The following DENND6A variants were observed in gnomAD, a reference collection of about 807,000 sequenced individuals.
DENND6A encodes the protein protein DENND6A.
In DENND6A, 43 loss-of-function variants were observed where a neutral mutation model predicts 95.5. That is an observed-to-expected ratio of 0.45 (90% CI 0.35 to 0.58). The LOEUF (loss-of-function observed/expected upper bound fraction) is 0.58. Ranked by LOEUF, DENND6A falls within the 20% of genes least tolerant of loss-of-function variation. DENND6A has a pLI of 0.00. For synonymous variants in DENND6A, 257 were observed against 260.4 expected, an observed-to-expected ratio of 0.99 and a Z score of 0.13; for missense variants, 574 against 736.0, an observed-to-expected ratio of 0.78 and a Z score of 2.55.
Position 57,645,733 on chromosome 3 carries a change from A to C in DENND6A, c.965T>G (p.Phe322Cys). Residue 322 changes from phenylalanine (F) to cysteine (C), a missense_variant, in exon 11 of 20, where the codon TTC becomes TGC. By Grantham distance (205) the Phe-to-Cys change is radical (BLOSUM62 -2). Around this residue, in one of 2 missense-constraint regions of DENND6A, gnomAD observed 452 missense variants for 630.9 expected, o/e 0.72. Transcript: ENST00000311128. ...LVNCISPLKY[F>C]SDFRPYFTIH... ...AGTGAAATAAGGTCGGAAATCACTG[A>C]AGTACTTTAATGGAGAAATACAGCT... 6.2e-7 allele frequency: 1 copy of C among 1,613,368 alleles called. No individual in the cohort carries two copies. The highest frequency in any genetic ancestry group is 8.5e-7 in the Non-Finnish European group (1 of 1,179,520).
rs1157340819 is a variant in DENND6A, at chr3:57,628,195, T to C, written c.*19A>G. ...TTCATGATGCATAATCCTTTTTGGCTGGAAAATCTTGGCAAATATCATGTC... is the reference window on the plus strand; with the variant it reads ...TTCATGATGCATAATCCTTTTTGGCCGGAAAATCTTGGCAAATATCATGTC... On this transcript the variant is annotated 3_prime_UTR_variant, in exon 20 of 20. Transcript: ENST00000311128. 1 of 1,608,472 alleles carries C rather than the reference T, an allele frequency of 6.2e-7. No individual in the cohort carries two copies.
chr3:57,670,099 GATA>G (rs1438309710), intron 3 of DENND6A, among the ~76,000 whole-genome samples: 3 of 149,208 alleles, frequency 2.0e-5, no homozygotes, highest in African/African-American at 7.3e-5. Context: ...AAATTTTTTT[GATA>G]ATGACACATG....
At chr3:57,675,527 T>G (rs559801154) in intron 1 of DENND6A, among the ~76,000 whole-genome samples, 2 of 152,294 alleles carry the variant, frequency 1.3e-5, no homozygotes, top group South Asian at 2.1e-4. Context: ...ATCTCCACAA[T>G]AAAGGCTATC....
In DENND6A at chr3:57,628,103, T is replaced by C; in HGVS notation, c.*111A>G. The C allele has an allele frequency of 2.0e-6, 3 of 1,469,714 alleles. No homozygotes were observed. Among genetic ancestry groups the C allele is most frequent in the Non-Finnish European group, 2.7e-6 (3 of 1,094,996 alleles). 91.0% of individuals were successfully genotyped at this position (1,469,714 alleles called of 1,614,324 possible). A position where few individuals can be genotyped will look rare whatever the true frequency, so the allele number is the denominator to read the frequency against. The stretch of plus-strand genomic sequence containing the variant: ...CTTTCTACCCTGTAACTAGCATTCA[T>C]GGCAATTTTCCACTCCGCTGCCACT... On this transcript the variant is annotated 3_prime_UTR_variant, in exon 20 of 20. Transcript: ENST00000311128.
chr3:57,662,179 TTTTTTC>T (rs1266744406), intron 5 of DENND6A, among the ~76,000 whole-genome samples: 3 of 115,632 alleles, frequency 2.6e-5, no homozygotes, highest in Non-Finnish European at 3.6e-5. Flanking sequence ...CTTTCTTTTC[TTTTTTC>T]TTTTTTTTTT....
At chr3:57,633,706 T>C (rs984305169) in intron 14 of DENND6A, among the ~76,000 whole-genome samples, 1 of 152,128 alleles carries the variant, frequency 6.6e-6, no homozygotes, top group Non-Finnish European at 1.5e-5. Flanking sequence ...CTGGCCATCA[T>C]GGTGAAACCC....
At chr3:57,646,078 G>A (rs905543008) in intron 10 of DENND6A, among the ~76,000 whole-genome samples, 1 of 152,152 alleles carries the variant, frequency 6.6e-6, no homozygotes, top group Non-Finnish European at 1.5e-5. Flanking sequence ...GAATCAATGT[G>A]CCTGCCACTC....
At chr3:57,632,315 C>T (rs188960510) in intron 15 of DENND6A, among the ~76,000 whole-genome samples, 141 of 151,976 alleles carry the variant, frequency 9.3e-4, no homozygotes, top group African/African-American at 2.4e-3. Context: ...TGAGCCACCA[C>T]GCCCAGTCCA....
In DENND6A at chr3:57,692,962, T is replaced by C. The variant is rs200232741; in HGVS notation, c.57A>G (p.Glu19=). 6.5e-7 allele frequency: 1 copy of C among 1,543,802 alleles called. No individual in the cohort carries two copies. The highest frequency in any genetic ancestry group is 8.7e-7 in the Non-Finnish European group (1 of 1,153,026). ...LGPGSRRPLD[E]AVAGAEGREA... is the part of the protein sequence containing the mutation. ...CGCGGCCCTCGGCCCCTGCCACCGC[T>C]TCGTCCAACGGCCTTCGAGAGCCGG... The change falls in exon 1 of 20, where the codon GAA becomes GAG. Residue 19 remains glutamate, a synonymous_variant. Transcript: ENST00000311128.
intron 8 of DENND6A, among the ~76,000 whole-genome samples, chr3:57,658,355 C>A (rs112577685): frequency 2.6e-5 from 4 of 152,140 alleles, no homozygotes; most frequent in African/African-American, 9.6e-5. Context: ...AGAGTGAAAT[C>A]CCATCCCTAC....
intron 3 of DENND6A, among the ~76,000 whole-genome samples, chr3:57,668,210 C>T (rs979492640): frequency 6.6e-6 from 1 of 152,086 alleles, no homozygotes; most frequent in Admixed American, 6.5e-5. Flanking sequence ...CCCTTCAACA[C>T]GGTATGAGAA....
In DENND6A at chr3:57,633,327, C is replaced by A; in HGVS notation, c.1291G>T (p.Ala431Ser). 1 of 1,613,702 alleles carries A rather than the reference C, an allele frequency of 6.2e-7. No homozygotes were observed. ...TAGCGTCGAAGAATAACACTTTGAGCCTCAGAAGGACGTTTCTGTTGTACA... is the reference window on the plus strand; with the variant it reads ...TAGCGTCGAAGAATAACACTTTGAGACTCAGAAGGACGTTTCTGTTGTACA... ...KGVQQKRPSE[A>S]QSVILRRYFL... Residue 431 changes from alanine (A) to serine (S), a missense_variant, in exon 15 of 20, where the codon GCT (alanine) becomes TCT (serine). Transcript: ENST00000311128.
intron 9 of DENND6A, among the ~76,000 whole-genome samples, chr3:57,652,535 A>T (rs570350750): frequency 6.6e-6 from 1 of 152,250 alleles, no homozygotes; most frequent in Admixed American, 6.5e-5. Context: ...AACTGTGTGA[A>T]ATAATGTTTG....
chr3:57,672,514 G>A, intron 1 of DENND6A, 76 bp from the exon 2 acceptor site: 1 of 1,440,570 alleles, frequency 6.9e-7, no homozygotes, highest in Non-Finnish European at 9.6e-7. Context: ...CAGGCACGGT[G>A]GCTCACGCTG....
chr3:57,671,123 G>T (rs560131069), intron 3 of DENND6A, among the ~76,000 whole-genome samples: 1 of 152,110 alleles, frequency 6.6e-6, no homozygotes, highest in East Asian at 1.9e-4. Flanking sequence ...CAAATGGATA[G>T]GAAAAAAATT....
chr3:57,668,889 T>C (rs1449056370), intron 3 of DENND6A, among the ~76,000 whole-genome samples: 1 of 152,190 alleles, frequency 6.6e-6, no homozygotes, highest in East Asian at 1.9e-4. Context: ...CTTTTTTTTC[T>C]TGAGATGGAG....
intron 12 of DENND6A, among the ~76,000 whole-genome samples, chr3:57,638,681 A>C (rs757249065): frequency 1.2e-4 from 19 of 152,110 alleles, no homozygotes; most frequent in African/African-American, 2.7e-4. Context: ...AACTAAATAA[A>C]TAAATAAATA....
chr3:57,665,626 A>G (rs1305710123), intron 4 of DENND6A, among the ~76,000 whole-genome samples: 2 of 152,190 alleles, frequency 1.3e-5, no homozygotes, highest in Non-Finnish European at 2.9e-5. Flanking sequence ...TCAAAGTCAC[A>G]CTGGATGTGC....
rs2070562690 is a variant in DENND6A at position 57,627,692 on chromosome 3, C to G, written c.*522G>C. ...TATAAAATTACGTATCATAATGAAG[C>G]TAAGGAAAAGCTTCAAGACTAGCAG... On this transcript the variant is annotated 3_prime_UTR_variant, in exon 20 of 20. Transcript: ENST00000311128. The G allele has an allele frequency of 6.6e-6, 1 of 152,494 alleles. No individual in the cohort carries two copies. Among genetic ancestry groups the G allele is most frequent in the Non-Finnish European group, 1.5e-5 (1 of 68,138 alleles). 9.4% of individuals were successfully genotyped at this position (152,494 alleles called of 1,614,324 possible).
Sources: gnomAD v4.1 joint callset for allele counts (sites outside exome capture counted in the v4.1 genomes callset) on GRCh38, gnomAD v4.1.1 for gene constraint, gnomAD v4.1.1 regional missense constraint, MANE v1.5 for transcripts, NCBI Gene and HGNC (gene_info 2026-07-23, HGNC 2026-07-21) for gene names.